Variants in GALNT3 observed in about 807,000 individuals in gnomAD.
GALNT3 encodes the protein polypeptide N-acetylgalactosaminyltransferase 3, also known as GalNAc transferase 3.
GALNT3 carries 51 observed loss-of-function variants against 69.8 expected under a neutral mutation model. That is an observed-to-expected ratio of 0.73 (90% confidence interval 0.58 to 0.92). GALNT3 has a LOEUF of 0.92. Among genes scored for constraint, GALNT3 ranks in the 40% least tolerant of loss-of-function variants. The pLI is 0.00. For synonymous variants in GALNT3, 265 were observed against 248.5 expected, an observed-to-expected ratio of 1.07 and a Z score of -0.63; for missense variants, 711 against 760.0, an observed-to-expected ratio of 0.94 and a Z score of 0.76.
chr2:165,787,629 T>C (rs1683252570), intron 1 of GALNT3, among the ~76,000 whole-genome samples: 1 of 152,084 alleles, frequency 6.6e-6, no homozygotes, highest in African/African-American at 2.4e-5. Flanking sequence ...ATTTAGAAGG[T>C]AAAACTTACA....
chr2:165,756,982 A>G, intron 7 of GALNT3, 65 bp downstream of exon 7: 4 of 1,254,528 alleles, frequency 3.2e-6, no homozygotes, highest in Non-Finnish European at 3.5e-6. Context: ...AGATGAATCG[A>G]CGCAAAAGGA....
chr2:165,749,903 G>A lies in GALNT3; in HGVS notation c.1627-9C>T. 1 of 1,613,008 alleles carries A rather than the reference G, an allele frequency of 6.2e-7. No individual in the cohort carries two copies. On this transcript the variant is annotated splice_polypyrimidine_tract_variant and intron_variant, in intron 9 of 10. Transcript: ENST00000392701. The stretch of plus-strand genomic sequence containing the variant: ...GCAGAGTATTCAAAGTACTATGGAA[G>A]GAATAGCACTGTTACTGACAAAAGC...
chr2:165,766,728 T>G (rs1350109368), intron 2 of GALNT3, among the ~76,000 whole-genome samples: 3 of 66,788 alleles, frequency 4.5e-5, no homozygotes, highest in African/African-American at 1.1e-4. Context: ...TAGCCTCCAG[T>G]GTGATATTAG....
chr2:165,758,812 A>C lies in GALNT3; in HGVS notation c.1126T>G (p.Tyr376Asp). 1 of 1,611,718 alleles carries C rather than the reference A, an allele frequency of 6.2e-7. No individual in the cohort carries two copies. The highest frequency in any genetic ancestry group is 8.5e-7 in the Non-Finnish European group (1 of 1,178,038). Residue 376 changes from tyrosine (Y) to aspartate (D), a missense_variant, in exon 6 of 11, where the codon TAT becomes GAT. Tyr to Asp is a radical substitution (Grantham distance 160, BLOSUM62 -3). Transcript: ENST00000392701. ...ATTTCTTCATCATAGCTTCCAATAT[A>C]CTCAAAATATTCTTTTGATATGGAA... ...LFSISKEYFE[Y>D]IGSYDEEMEI...
rs181865244 is a variant in GALNT3, at chr2:165,757,331, T to C, written c.1192-84A>G. On this transcript the variant is annotated intron_variant, in intron 6 of 10. Coordinates refer to ENST00000392701, the MANE Select transcript of GALNT3 (RefSeq NM_004482.4). ...TTTTAAGTTCACCTTTAAGGTATTA[T>C]GAAAAACAAAATTAGAGAAGAGATT... The C allele has an allele frequency of 6.9e-3, 9,225 of 1,332,188 alleles. 29 individuals carry two copies. The highest frequency in any genetic ancestry group is 8.3e-3 in the Non-Finnish European group (7,769 of 940,118). 82.5% of individuals were successfully genotyped at this position (1,332,188 alleles called of 1,614,324 possible). A position where few individuals can be genotyped will look rare whatever the true frequency, so the allele number is the denominator to read the frequency against.
At chr2:165,753,499 T>C (rs1039105257) in intron 9 of GALNT3, among the ~76,000 whole-genome samples, 14 of 151,976 alleles carry the variant, frequency 9.2e-5, no homozygotes, top group African/African-American at 3.4e-4. Flanking sequence ...CCCAGAACAC[T>C]CTGAATGCTT....
intron 7 of GALNT3, among the ~76,000 whole-genome samples, chr2:165,756,767 CT>C (rs1287162304): frequency 6.6e-6 from 1 of 152,086 alleles, no homozygotes; most frequent in African/African-American, 2.4e-5. Context: ...AAAAACAGTT[CT>C]ACTTAATTTT....
chr2:165,753,383 C>T (rs1688386545), intron 9 of GALNT3, among the ~76,000 whole-genome samples: 1 of 151,992 alleles, frequency 6.6e-6, no homozygotes, highest in Non-Finnish European at 1.5e-5. Context: ...CCCACAGCCA[C>T]CTCACTAGCT....
intron 9 of GALNT3, among the ~76,000 whole-genome samples, chr2:165,750,482 C>G (rs1045676888): frequency 6.6e-6 from 1 of 152,152 alleles, no homozygotes; most frequent in African/African-American, 2.4e-5. Flanking sequence ...CCAAGTAATT[C>G]GTCCCTTAGC....
chr2:165,748,854 C>T lies in GALNT3; in HGVS notation c.1829G>A (p.Gly610Glu). ...GCATGACACTAAACTTGGATGCTCT[C>T]CATTTGCTGAAAGGCACATTTTTAA... ...PFLKMCLSAN[G>E]EHPSLVSCNP... Residue 610 changes from glycine to glutamate, a missense_variant, in exon 11 of 11, where the codon GGA (glycine) becomes GAA (glutamate). Gly to Glu is a moderately conservative substitution (Grantham distance 98). Coordinates refer to ENST00000392701, the MANE Select transcript of GALNT3 (RefSeq NM_004482.4). 6.2e-7 allele frequency: 1 copy of T among 1,611,534 alleles called. No homozygotes were observed. The highest frequency in any genetic ancestry group is 8.5e-7 in the Non-Finnish European group (1 of 1,178,338).
intron 1 of GALNT3, among the ~76,000 whole-genome samples, chr2:165,780,434 C>T (rs1405822036): frequency 1.3e-5 from 2 of 152,176 alleles, no homozygotes; most frequent in African/African-American, 4.8e-5. Context: ...CCATCGATGA[C>T]CAATATAGAT....
rs1480388170 is a variant in GALNT3, at chr2:165,755,039, T to C, written c.1417A>G (p.Arg473Gly). ...TGAAGGCGGTGTTTTATTTCAAATCTTTTTGAAAGATCACCAAATGCTTTC... is the reference window on the plus strand; with the variant it reads ...TGAAGGCGGTGTTTTATTTCAAATCCTTTTGAAAGATCACCAAATGCTTTC... ...KQKAFGDLSK[R>G]FEIKHRLQCK... The change falls in exon 8 of 11, where the codon AGA (arginine) becomes GGA (glycine). Residue 473 changes from arginine to glycine, a missense_variant. By Grantham distance (125) the Arg-to-Gly change is moderately radical (BLOSUM62 -2). Coordinates refer to ENST00000392701, the MANE Select transcript of GALNT3 (RefSeq NM_004482.4). 1.2e-6 allele frequency: 2 copies of C among 1,611,872 alleles called. No individual in the cohort carries two copies. Among genetic ancestry groups the C allele is most frequent in the Non-Finnish European group, 1.7e-6 (2 of 1,178,148 alleles).
At chr2:165,789,613 A>G (rs1683299426) in intron 1 of GALNT3, among the ~76,000 whole-genome samples, 1 of 152,148 alleles carries the variant, frequency 6.6e-6, no homozygotes, top group African/African-American at 2.4e-5. Context: ...GACAGCCTGT[A>G]GTCTCAGCTA....
intron 6 of GALNT3, among the ~76,000 whole-genome samples, chr2:165,757,837 T>C (rs773718612): frequency 2.6e-5 from 4 of 152,202 alleles, no homozygotes; most frequent in Non-Finnish European, 5.9e-5. Flanking sequence ...GCATTAATGC[T>C]AAATAAAATG....
chr2:165,768,962 T>C (rs955789157), intron 2 of GALNT3, among the ~76,000 whole-genome samples: 2 of 151,014 alleles, frequency 1.3e-5, no homozygotes, highest in African/African-American at 4.9e-5. Flanking sequence ...GTCCGGCTAA[T>C]TTTTGTATTT....
At chr2:165,762,541 T>C (rs1688570459) in intron 3 of GALNT3, among the ~76,000 whole-genome samples, 1 of 152,194 alleles carries the variant, frequency 6.6e-6, no homozygotes. Context: ...AACACCAAAA[T>C]GTTGAGCCAC....
intron 1 of GALNT3, among the ~76,000 whole-genome samples, chr2:165,782,763 T>A (rs1284106593): frequency 6.6e-6 from 1 of 152,118 alleles, no homozygotes; most frequent in Non-Finnish European, 1.5e-5. Context: ...CAAAGCATAG[T>A]CTCTGGTAAA....
chr2:165,772,927 A>G (rs966869996), intron 1 of GALNT3, among the ~76,000 whole-genome samples: 3 of 152,174 alleles, frequency 2.0e-5, no homozygotes, highest in African/African-American at 7.2e-5. Context: ...AATGGAGAGG[A>G]CTGTTTTTAA....
In GALNT3 at chr2:165,760,362, A is replaced by C. The variant is rs114374087; in HGVS notation, c.839-792T>G. On this transcript the variant is annotated intron_variant, in intron 4 of 10. Coordinates refer to ENST00000392701, the MANE Select transcript of GALNT3 (RefSeq NM_004482.4). ...AGGGAGGGCCAAGGAGTTTCATGTC[A>C]TGATAGGTCTAAGCCCTGGTCACAG... Among the ~76,000 whole-genome samples, 303 of 152,298 alleles carry C rather than the reference A, an allele frequency of 2.0e-3. 1 individual carries two copies. Among genetic ancestry groups the C allele is most frequent in the Non-Finnish European group, 3.4e-3 (232 of 68,020 alleles).
Sources: gnomAD v4.1 joint callset for allele counts (sites outside exome capture counted in the v4.1 genomes callset) on GRCh38, gnomAD v4.1.1 for gene constraint, MANE v1.5 for transcripts, NCBI Gene and HGNC (gene_info 2026-07-23, HGNC 2026-07-21) for gene names.